The following SEMA3D variants were observed in gnomAD, a reference collection of about 807,000 sequenced individuals.
SEMA3D encodes the protein semaphorin 3D.
SEMA3D carries 84 observed loss-of-function variants against 100.1 expected under a neutral mutation model. The observed-to-expected ratio is 0.84, with a 90% CI of 0.70 to 1.01. The LOEUF (loss-of-function observed/expected upper bound fraction) is 1.01, where lower values mean the gene tolerates loss of function less well. SEMA3D is among the 50% of genes least tolerant of loss of function. The pLI, the probability that SEMA3D is intolerant of heterozygous loss-of-function variation, is 0.00. For synonymous variants in SEMA3D, 312 were observed against 320.7 expected (o/e 0.97, Z 0.29); for missense variants, 875 against 934.1 (o/e 0.94, Z 0.82).
intron 6 of SEMA3D, among the ~76,000 whole-genome samples, chr7:85,071,121 C>T (rs186848538): frequency 1.5e-4 from 23 of 152,276 alleles, no homozygotes; most frequent in Middle Eastern, 3.4e-3. Flanking sequence ...CAGCAGGTTG[C>T]GAGTTTGGCC....
chr7:85,226,498 C>G, the SEMA3D span, among the ~76,000 whole-genome samples: 1 of 152,052 alleles, frequency 6.6e-6, no homozygotes, highest in Non-Finnish European at 1.5e-5. Flanking sequence ...TGGAATTAAA[C>G]TATGAAAGAT....
intron 1 of SEMA3D, among the ~76,000 whole-genome samples, chr7:85,182,336 T>C (rs372612646): frequency 2.0e-5 from 3 of 152,278 alleles, no homozygotes; most frequent in Non-Finnish European, 4.4e-5. Flanking sequence ...ATATTAGAAA[T>C]AACACTTTTT....
At chr7:85,186,398 G>T (rs1791551778) in intron 1 of SEMA3D, among the ~76,000 whole-genome samples, 1 of 152,176 alleles carries the variant, frequency 6.6e-6, no homozygotes. Flanking sequence ...CTGCCAGGCG[G>T]AGGCTCGTCA....
At chr7:85,031,323 C>T (rs998442914) in intron 12 of SEMA3D, among the ~76,000 whole-genome samples, 1 of 151,970 alleles carries the variant, frequency 6.6e-6, no homozygotes, top group Non-Finnish European at 1.5e-5. Context: ...AAATAACCTA[C>T]GTTAAAGCTT....
At chr7:85,204,293 CA>C in the SEMA3D span, among the ~76,000 whole-genome samples, 1 of 148,028 alleles carries the variant, frequency 6.8e-6, no homozygotes, top group Non-Finnish European at 1.5e-5. Context: ...AGCATTACAC[CA>C]AAGAACTTGA....
At chr7:85,122,306 T>C (rs1427893301) in intron 2 of SEMA3D, among the ~76,000 whole-genome samples, 1 of 152,096 alleles carries the variant, frequency 6.6e-6, no homozygotes, top group Non-Finnish European at 1.5e-5. Flanking sequence ...TCTGAATGTA[T>C]ATAGATTTTT....
chr7:85,226,283 C>T, the SEMA3D span, among the ~76,000 whole-genome samples: 1 of 152,144 alleles, frequency 6.6e-6, no homozygotes, highest in Non-Finnish European at 1.5e-5. Flanking sequence ...CTAACACATA[C>T]TCCTTTCATC....
chr7:85,020,899 T>G (rs2115843400), intron 13 of SEMA3D, among the ~76,000 whole-genome samples: 1 of 151,748 alleles, frequency 6.6e-6, no homozygotes, highest in African/African-American at 2.4e-5. Flanking sequence ...TAAAATTATT[T>G]AAGTTCAACT....
At chr7:85,019,808 T>G (rs1324119866) in intron 14 of SEMA3D, among the ~76,000 whole-genome samples, 3 of 151,630 alleles carry the variant, frequency 2.0e-5, no homozygotes, top group Admixed American at 1.3e-4. Flanking sequence ...ATGCAACCTA[T>G]ATATTTTTTT....
At chr7:85,219,545 T>C in the SEMA3D span, among the ~76,000 whole-genome samples, 1 of 152,144 alleles carries the variant, frequency 6.6e-6, no homozygotes, top group South Asian at 2.1e-4. Context: ...AAATGGAATA[T>C]ATATAGTAAA....
intron 1 of SEMA3D, among the ~76,000 whole-genome samples, chr7:85,159,116 C>G (rs117019454): frequency 5.3e-5 from 8 of 152,170 alleles, no homozygotes; most frequent in African/African-American, 1.9e-4. Context: ...TATCTTAGAC[C>G]CTGATATTCT....
intron 2 of SEMA3D, among the ~76,000 whole-genome samples, chr7:85,123,227 A>G (rs1369155361): frequency 6.6e-6 from 1 of 152,084 alleles, no homozygotes; most frequent in African/African-American, 2.4e-5. Context: ...GAATCTAGTG[A>G]TCTTCAGCTC....
At chr7:85,178,929 C>A (rs935948934) in intron 1 of SEMA3D, among the ~76,000 whole-genome samples, 1 of 152,162 alleles carries the variant, frequency 6.6e-6, no homozygotes, top group Admixed American at 6.5e-5. Context: ...TAAAAGGGGC[C>A]AAGTTACAGC....
chr7:85,132,079 ATTTG>A (rs746568799), intron 2 of SEMA3D, among the ~76,000 whole-genome samples: 36 of 152,028 alleles, frequency 2.4e-4, no homozygotes, highest in Non-Finnish European at 4.4e-4. Context: ...AAACAGCTAT[ATTTG>A]TTTATGATCA....
At position 85,065,408 on chromosome 7, in the gene SEMA3D, A is replaced by T. The variant is rs376275779; in HGVS notation, c.718+16T>A. Reference sequence around the variant, plus strand: ...AAAGCAAGACAATCAAAAGTAAACAAAAAAAAATCACAAACCATTGAGCCA... The same window carrying T: ...AAAGCAAGACAATCAAAAGTAAACATAAAAAAATCACAAACCATTGAGCCA... On this transcript the variant is annotated intron_variant, in intron 8 of 18. Coordinates refer to ENST00000284136, the MANE Select transcript of SEMA3D (RefSeq NM_001384900.1). 277 of 1,611,268 alleles carry T rather than the reference A, an allele frequency of 1.7e-4. No individual in the cohort carries two copies. Among genetic ancestry groups the T allele is most frequent in the Non-Finnish European group, 2.2e-4 (261 of 1,178,492 alleles).
intron 3 of SEMA3D, among the ~76,000 whole-genome samples, chr7:85,099,183 C>A (rs1788668250): frequency 1.3e-5 from 2 of 151,860 alleles, no homozygotes; most frequent in African/African-American, 4.8e-5. Context: ...GGCTGTGTCC[C>A]CACCCAAATC....
At chr7:85,200,889 G>A in the SEMA3D span, among the ~76,000 whole-genome samples, 1 of 152,164 alleles carries the variant, frequency 6.6e-6, no homozygotes, top group African/African-American at 2.4e-5. Flanking sequence ...TGGCTGAAAG[G>A]GGCCACAGTA....
At chr7:85,126,324 G>A (rs1469161816) in intron 2 of SEMA3D, among the ~76,000 whole-genome samples, 1 of 151,276 alleles carries the variant, frequency 6.6e-6, no homozygotes, top group Non-Finnish European at 1.5e-5. Context: ...ATTAAAATAT[G>A]TAAGTCTTCT....
intron 8 of SEMA3D, among the ~76,000 whole-genome samples, chr7:85,060,125 C>A (rs991782548): frequency 3.9e-5 from 6 of 152,160 alleles, no homozygotes; most frequent in African/African-American, 1.4e-4. Context: ...TTTTATTGAA[C>A]TCTCTCTTAA....
Sources: gnomAD v4.1 joint callset for allele counts (sites outside exome capture counted in the v4.1 genomes callset) on GRCh38, gnomAD v4.1.1 for gene constraint, MANE v1.5 for transcripts, NCBI Gene and HGNC (gene_info 2026-07-23, HGNC 2026-07-21) for gene names.